The following MS4A6E variants were observed in gnomAD, a reference collection of about 807,000 sequenced individuals.
MS4A6E encodes the protein membrane spanning 4-domains A6E, also known as membrane-spanning 4-domains subfamily A member 6E.
In MS4A6E, 8 loss-of-function variants were observed where a neutral mutation model predicts 13.2. That is an observed-to-expected ratio of 0.60 (90% CI 0.35 to 1.09). The LOEUF (loss-of-function observed/expected upper bound fraction) is 1.09. Ranked by LOEUF, MS4A6E falls within the 50% of genes least tolerant of loss-of-function variation. MS4A6E has a pLI of 0.02. For missense variants in MS4A6E, 177 were observed against 171.1 expected, an observed-to-expected ratio of 1.03 and a Z score of -0.19; for synonymous variants, 72 against 67.6, an observed-to-expected ratio of 1.06 and a Z score of -0.32.
At chr11:60,347,825 CCCCTTTGACT>C (rs2085262923) in intron 4 of MS4A6E, among the ~76,000 whole-genome samples, 1 of 152,132 alleles carries the variant, frequency 6.6e-6, no homozygotes, top group African/African-American at 2.4e-5. Context: ...GCTTCTGATT[CCCCTTTGACT>C]CCCTAGACTT....
downstream of MS4A6E, among the ~76,000 whole-genome samples, chr11:60,343,535 C>T (rs908961811): frequency 6.6e-6 from 1 of 152,136 alleles, no homozygotes; most frequent in African/African-American, 2.4e-5. Flanking sequence ...ACGTCTAAAA[C>T]TTTTACTCGC....
chr11:60,339,119 T>C (rs2085207576), intron 3 of MS4A6E, among the ~76,000 whole-genome samples: 1 of 152,208 alleles, frequency 6.6e-6, no homozygotes, highest in South Asian at 2.1e-4. Flanking sequence ...AAAGTTCATG[T>C]GATCAAATTA....
At chr11:60,348,136 T>C (rs1020092047) in intron 4 of MS4A6E, among the ~76,000 whole-genome samples, 1 of 152,168 alleles carries the variant, frequency 6.6e-6, no homozygotes, top group African/African-American at 2.4e-5. Context: ...AGAACTAAAA[T>C]TGGAGGACAT....
chr11:60,337,058 C>T (rs974003469), intron 2 of MS4A6E, among the ~76,000 whole-genome samples: 7 of 152,140 alleles, frequency 4.6e-5, no homozygotes, highest in Admixed American at 1.3e-4. Context: ...CCACACATTA[C>T]ACCATCCTTG....
At chr11:60,345,841 G>A, downstream of MS4A6E, among the ~76,000 whole-genome samples, 1 of 152,118 alleles carries the variant, frequency 6.6e-6, no homozygotes, top group Non-Finnish European at 1.5e-5. Flanking sequence ...ATAAATAATA[G>A]GTCCCCCCAA....
chr11:60,336,216 T>C (rs1392701209), intron 2 of MS4A6E, among the ~76,000 whole-genome samples: 1 of 152,208 alleles, frequency 6.6e-6, no homozygotes, highest in Non-Finnish European at 1.5e-5. Flanking sequence ...TCTATGATGA[T>C]GGAAATCCAC....
downstream of MS4A6E, among the ~76,000 whole-genome samples, chr11:60,342,201 G>A (rs12796781): frequency 0.092 from 4,381 of 47,856 alleles, 77 homozygotes; most frequent in South Asian, 0.16. Context: ...GAGAGAGAGA[G>A]GGGGGGGGAG....
Position 60,334,913 on chromosome 11 carries a change from T to G in MS4A6E, c.18T>G (p.Ile6Met), listed in dbSNP as rs141921077. The change falls in exon 2 of 5, where the codon ATT (isoleucine) becomes ATG (methionine). Residue 6 changes from isoleucine (I) to methionine (M), a missense_variant. Transcript: ENST00000684409. ...ACACCATTATGACATCACAACCTAT[T>G]TCCAATGAGACCATCATAATGCTCC... MTSQP[I>M]SNETIIMLPS... The G allele has an allele frequency of 2.9e-5, 47 of 1,614,056 alleles. No homozygotes were observed. Among genetic ancestry groups the G allele is most frequent in the Admixed American group, 5.0e-5 (3 of 60,006 alleles).
intron 3 of MS4A6E, among the ~76,000 whole-genome samples, chr11:60,338,909 A>G (rs1032814596): frequency 6.6e-6 from 1 of 152,218 alleles, no homozygotes; most frequent in Non-Finnish European, 1.5e-5. Flanking sequence ...GCTGACAGTA[A>G]TTGGTACAAA....
chr11:60,329,890 A>G (rs1377154964), intron 1 of MS4A6E, among the ~76,000 whole-genome samples: 11 of 148,602 alleles, frequency 7.4e-5, no homozygotes, highest in Non-Finnish European at 1.5e-4. Context: ...CTGTGGCACA[A>G]TCTCAGCTCA....
In MS4A6E at chr11:60,340,897, A is replaced by AT. The variant is rs1407978682; in HGVS notation, c.*133dup. On this transcript the variant is annotated 3_prime_UTR_variant, in exon 5 of 5. Coordinates refer to ENST00000684409, the MANE Select transcript of MS4A6E (RefSeq NM_139249.4). ...TTATGATAATATGGAAAACCTAACC[A>AT]TTATAAAAAAGCAAACTTGAGTTTC... 6.5e-6 allele frequency: 1 copy of AT among 154,832 alleles called. No homozygotes were observed. The highest frequency in any genetic ancestry group is 1.5e-5 in the Non-Finnish European group (1 of 68,780). The allele number at this position is 154,832 out of a possible 1,614,324, so 9.6% of individuals were successfully genotyped here. A position where few individuals can be genotyped will look rare whatever the true frequency, so the allele number is the denominator to read the frequency against.
intron 2 of MS4A6E, chr11:60,335,623 A>C (rs11230280): frequency 0.31 from 140,561 of 453,848 alleles, 23,978 homozygotes; most frequent in Admixed American, 0.37. Context: ...GGTTTCTAGA[A>C]TTGCCTCTGC....
At chr11:60,345,716 C>A (rs1316597617), downstream of MS4A6E, among the ~76,000 whole-genome samples, 1 of 152,194 alleles carries the variant, frequency 6.6e-6, no homozygotes, top group African/African-American at 2.4e-5. Context: ...GCCAAAGGCT[C>A]CCCCTAGAGG....
intron 1 of MS4A6E, among the ~76,000 whole-genome samples, chr11:60,329,288 C>T (rs1042297392): frequency 1.3e-5 from 2 of 152,118 alleles, no homozygotes; most frequent in African/African-American, 4.8e-5. Flanking sequence ...ATGATGGTTT[C>T]CAGCTTTATC....
At position 60,334,987 on chromosome 11, in the gene MS4A6E, A is replaced by G. The variant is rs750249527; in HGVS notation, c.92A>G (p.Asn31Ser). 1 of 1,614,166 alleles carries G rather than the reference A, an allele frequency of 6.2e-7. No individual in the cohort carries two copies. Among genetic ancestry groups the G allele is most frequent in the East Asian group, 2.2e-5 (1 of 44,886 alleles). Residue 31 changes from asparagine to serine, a missense_variant, in exon 2 of 5, where the codon AAC (asparagine) becomes AGC (serine). Physicochemically the swap from Asn to Ser is conservative, Grantham distance 46. Transcript: ENST00000684409. ...FSQAEKPEPT[N>S]QGQDSLKKRL... Reference sequence around the variant, plus strand: ...CAAGCAGAGAAACCCGAACCCACCAACCAGGGGCAGGATAGCCTGAAGAAA... The same window carrying G: ...CAAGCAGAGAAACCCGAACCCACCAGCCAGGGGCAGGATAGCCTGAAGAAA...
rs2304935 is a variant in MS4A6E, at chr11:60,334,911, A to G, written c.16A>G (p.Ile6Val). Residue 6 changes from isoleucine (I) to valine (V), a missense_variant, in exon 2 of 5, where the codon ATT becomes GTT. Physicochemically the swap from Ile to Val is conservative, Grantham distance 29 (BLOSUM62 3). Coordinates refer to ENST00000684409, the MANE Select transcript of MS4A6E (RefSeq NM_139249.4). ...CAACACCATTATGACATCACAACCTATTTCCAATGAGACCATCATAATGCT... is the reference window on the plus strand; with the variant it reads ...CAACACCATTATGACATCACAACCTGTTTCCAATGAGACCATCATAATGCT... Reference protein sequence around the residue: MTSQPISNETIIMLPS... With the variant: MTSQPVSNETIIMLPS... 524,235 of 1,609,964 alleles carry G rather than the reference A, an allele frequency of 0.33. 89,858 individuals are homozygous for G. Among genetic ancestry groups the G allele is most frequent in the Admixed American group, 0.37 (22,425 of 59,988 alleles).
downstream of MS4A6E, among the ~76,000 whole-genome samples, chr11:60,341,587 GCACACACACGCACACACA>G (rs1012201145): frequency 7.5e-6 from 1 of 134,162 alleles, no homozygotes; most frequent in African/African-American, 3.1e-5. Context: ...CCTTGCTCAT[GCACACACACGCACACACA>G]CACACACACG....
At chr11:60,343,703 T>C (rs561405084), downstream of MS4A6E, among the ~76,000 whole-genome samples, 1 of 152,326 alleles carries the variant, frequency 6.6e-6, no homozygotes, top group Non-Finnish European at 1.5e-5. Flanking sequence ...TCTGGTGAGT[T>C]AAAGGTGGGA....
intron 2 of MS4A6E, among the ~76,000 whole-genome samples, chr11:60,337,365 G>T (rs550422305): frequency 1.6e-4 from 24 of 152,294 alleles, no homozygotes; most frequent in African/African-American, 4.8e-4. Context: ...GGGTTTCTGA[G>T]TTGGCCGAGA....
Sources: gnomAD v4.1 joint callset for allele counts (sites outside exome capture counted in the v4.1 genomes callset) on GRCh38, gnomAD v4.1.1 for gene constraint, MANE v1.5 for transcripts, NCBI Gene and HGNC (gene_info 2026-07-23, HGNC 2026-07-21) for gene names.